The following WDR5 variants were observed in gnomAD, a reference collection of about 807,000 sequenced individuals.
The protein encoded by WDR5 is WD repeat domain 5.
For synonymous variants in WDR5, 144 were observed against 161.6 expected (o/e 0.89, Z 0.83); for missense variants, 187 against 416.9 (o/e 0.45, Z 4.80).
At chr9:134,138,706 C>T (rs978960502) in intron 1 of WDR5, among the ~76,000 whole-genome samples, 2 of 152,198 alleles carry the variant, frequency 1.3e-5, no homozygotes, top group African/African-American at 4.8e-5. Context: ...TGTAATTTCT[C>T]TGCCTTCCTC....
intron 7 of WDR5, among the ~76,000 whole-genome samples, chr9:134,143,627 T>G (rs1344792729): frequency 6.6e-6 from 1 of 151,624 alleles, no homozygotes; most frequent in Admixed American, 6.6e-5. Context: ...CCCGGGTTCA[T>G]GCCATTCTCC....
At chr9:134,155,502 C>T in intron 11 of WDR5, 129 bp downstream of exon 11, 6 of 1,367,898 alleles carry the variant, frequency 4.4e-6, no homozygotes, top group South Asian at 4.2e-5. Context: ...GGGTTTGGTG[C>T]GAATTCCTGA....
Position 134,155,689 on chromosome 9 carries a change from T to G in WDR5, c.742-4T>G, listed in dbSNP as rs1240032605. ...TGTGACCAGCCTGTCCCCTCCTGTT[T>G]CAGTGCCTGAAGACGTACACTGGCC... is the stretch of plus-strand genomic sequence containing the variant. On this transcript the variant is annotated splice_region_variant and splice_polypyrimidine_tract_variant and intron_variant, in intron 11 of 13. Coordinates refer to ENST00000358625, the MANE Select transcript of WDR5 (RefSeq NM_017588.3). 1.9e-6 allele frequency: 3 copies of G among 1,613,956 alleles called. No individual in the cohort carries two copies. The highest frequency in any genetic ancestry group is 1.3e-5 in the African/African-American group (1 of 74,912).
At chr9:134,141,159 G>A (rs550443089) in intron 3 of WDR5, among the ~76,000 whole-genome samples, 10 of 152,312 alleles carry the variant, frequency 6.6e-5, no homozygotes, top group South Asian at 2.1e-4. Context: ...GGTGGCACAT[G>A]CCTGTAGTCC....
intron 1 of WDR5, 125 bp from the exon 2 acceptor site, chr9:134,139,695 T>C: frequency 1.6e-6 from 1 of 632,174 alleles, no homozygotes; most frequent in East Asian, 2.8e-5. Flanking sequence ...CAATTTGGAA[T>C]GGTTTGTTTG....
At chr9:134,144,832 T>G (rs973283422) in intron 7 of WDR5, among the ~76,000 whole-genome samples, 1 of 151,632 alleles carries the variant, frequency 6.6e-6, no homozygotes, top group Admixed American at 6.6e-5. Flanking sequence ...TGAGACCCCA[T>G]GTCTTAAAAA....
Position 134,156,530 on chromosome 9 carries a change from A to G in WDR5, c.841A>G (p.Asn281Asp), listed in dbSNP as rs1020934371. ...GTGGATTGTGTCTGGCTCAGAGGAT[A>G]ACCTTGTTTACATCTGGAACCTTCA... Reference protein sequence around the residue: ...GKWIVSGSEDNLVYIWNLQTK... With the variant: ...GKWIVSGSEDDLVYIWNLQTK... Residue 281 changes from asparagine (N) to aspartate (D), a missense_variant, in exon 13 of 14, where the codon AAC (asparagine) becomes GAC (aspartate). Transcript: ENST00000358625. 28 of 1,614,098 alleles carry G rather than the reference A, an allele frequency of 1.7e-5. No individual in the cohort carries two copies. The highest frequency in any genetic ancestry group is 2.3e-5 in the Non-Finnish European group (27 of 1,180,044).
At chr9:134,148,186 CTTTTTTTTTTT>C (rs34443303) in intron 7 of WDR5, 91 bp from the exon 8 acceptor site, 97 of 285,740 alleles carry the variant, frequency 3.4e-4, no homozygotes, top group South Asian at 1.9e-3. Context: ...ATAACTCAGT[CTTTTTTTTTTT>C]TTTTTTTTTT....
At position 134,157,873 on chromosome 9, in the gene WDR5, G is replaced by C; in HGVS notation, c.905-20G>C. Reference sequence around the variant, plus strand: ...CAGGCGCAGGGATGGCTCTGGTTCTGACTGTGTCTTTGTTTTCAGATGTCG... The same window carrying C: ...CAGGCGCAGGGATGGCTCTGGTTCTCACTGTGTCTTTGTTTTCAGATGTCG... On this transcript the variant is annotated intron_variant, in intron 13 of 13. Transcript: ENST00000358625. The surrounding 1 kb of genome is among the most constrained non-coding windows in gnomAD (Gnocchi z 5.0). 1 of 1,613,288 alleles carries C rather than the reference G, an allele frequency of 6.2e-7. No individual in the cohort carries two copies. The highest frequency in any genetic ancestry group is 8.5e-7 in the Non-Finnish European group (1 of 1,179,308).
In WDR5 at chr9:134,157,354, TGTTA is replaced by T. The variant is rs1385827672; in HGVS notation, c.905-535_905-532del. Among the ~76,000 whole-genome samples the T allele has an allele frequency of 3.9e-5, 6 of 152,178 alleles. No homozygotes were observed. The highest frequency in any genetic ancestry group is 1.4e-4 in the African/African-American group (6 of 41,446). On this transcript the variant is annotated intron_variant, in intron 13 of 13. Coordinates refer to ENST00000358625, the MANE Select transcript of WDR5 (RefSeq NM_017588.3). The surrounding 1 kb of genome is among the most constrained non-coding windows in gnomAD (Gnocchi z 5.0). ...TGTGGCCGACCTTGCACCACCAGTC[TGTTA>T]GTTCTGACCTCCCTGCTTGGGTGGT... is the stretch of plus-strand genomic sequence containing the variant.
chr9:134,139,686 A>G (rs1005903246), intron 1 of WDR5, 134 bp from the exon 2 acceptor site: 2 of 617,136 alleles, frequency 3.2e-6, no homozygotes, highest in Non-Finnish European at 5.6e-6. Flanking sequence ...TAGGGTCCTC[A>G]ATTTGGAATG....
chr9:134,135,717 C>G (rs1045163219), upstream of WDR5: 1 of 152,156 alleles, frequency 6.6e-6, no homozygotes, highest in Non-Finnish European at 1.5e-5. Flanking sequence ...GGGGAGGTGC[C>G]CCGGCCCGAA....
At chr9:134,153,312 C>T (rs1470298830) in intron 9 of WDR5, among the ~76,000 whole-genome samples, 1 of 152,188 alleles carries the variant, frequency 6.6e-6, no homozygotes, top group Non-Finnish European at 1.5e-5. Flanking sequence ...AGCCTGGGCG[C>T]CCCTGAGCCC....
At chr9:134,153,564 C>A (rs568000399) in intron 9 of WDR5, among the ~76,000 whole-genome samples, 4 of 152,352 alleles carry the variant, frequency 2.6e-5, no homozygotes, top group African/African-American at 9.6e-5. Context: ...ACGTGGTGTG[C>A]CCCTGAGGGA....
At chr9:134,156,394 C>G in intron 12 of WDR5, 112 bp from the exon 13 acceptor site, 1 of 1,087,904 alleles carries the variant, frequency 9.2e-7, no homozygotes, top group Non-Finnish European at 1.4e-6. Context: ...GCGAGGCAGC[C>G]ACCAGCAGGG....
intron 5 of WDR5, 58 bp downstream of exon 5, chr9:134,142,096 T>G (rs1588169782): frequency 7.4e-7 from 1 of 1,348,934 alleles, no homozygotes. Flanking sequence ...ACGGGGCAGG[T>G]GCGGGGGACT....
intron 10 of WDR5, among the ~76,000 whole-genome samples, 178 bp from the exon 11 acceptor site, chr9:134,155,162 C>A (rs927482874): frequency 6.6e-6 from 1 of 152,260 alleles, no homozygotes; most frequent in South Asian, 2.1e-4. Context: ...TCTCAGACGC[C>A]AAGTCACTGG....
At chr9:134,154,138 T>C (rs555337208) in intron 9 of WDR5, among the ~76,000 whole-genome samples, 69 of 152,304 alleles carry the variant, frequency 4.5e-4, no homozygotes, top group Admixed American at 1.3e-3. Flanking sequence ...TCTGTTGAGT[T>C]GGGCATTCGC....
intron 7 of WDR5, among the ~76,000 whole-genome samples, chr9:134,146,863 G>A (rs1467548978): frequency 6.6e-6 from 1 of 152,174 alleles, no homozygotes; most frequent in Non-Finnish European, 1.5e-5. Flanking sequence ...AGAGGCTGCC[G>A]GCCAGATGGT....
Sources: allele counts gnomAD v4.1 joint callset (sites outside exome capture counted in the v4.1 genomes callset), GRCh38; gene constraint gnomAD v4.1.1; non-coding constraint Gnocchi (gnomAD v3.1); transcripts MANE v1.5; gene names NCBI Gene and HGNC (gene_info 2026-07-23, HGNC 2026-07-21).